LHPP: variants seen among roughly 807,000 people sequenced by gnomAD.
LHPP encodes the protein hLHPP.
In LHPP, 24 loss-of-function variants were observed where a neutral mutation model predicts 30.3. The observed-to-expected ratio is 0.79, with a 90% confidence interval of 0.57 to 1.11. The LOEUF (loss-of-function observed/expected upper bound fraction) is 1.11, where lower values mean the gene tolerates loss of function less well. Among genes scored for constraint, LHPP ranks in the 50% most tolerant of loss-of-function variants. The pLI is 0.00. For synonymous variants in LHPP, 150 were observed against 157.1 expected, an observed-to-expected ratio of 0.95 and a Z score of 0.34; for missense variants, 356 against 367.2, an observed-to-expected ratio of 0.97 and a Z score of 0.25.
chr10:124,568,988 G>A (rs61870231), intron 6 of LHPP, among the ~76,000 whole-genome samples: 35,941 of 152,082 alleles, frequency 0.24, 4,983 homozygotes, highest in East Asian at 0.31. Context: ...CCCTCCCACA[G>A]CTTTAGGCAA....
chr10:124,599,732 A>G lies in LHPP; in HGVS notation c.717-13532A>G, dbSNP rs116481732. On this transcript the variant is annotated intron_variant, in intron 6 of 6. Transcript: ENST00000368842. Reference sequence around the variant, plus strand: ...GGTGTCCTGGGGAATGTGCTGGCCCACTGCTTGGGGCCTGACTTGGAGTGC... The same window carrying G: ...GGTGTCCTGGGGAATGTGCTGGCCCGCTGCTTGGGGCCTGACTTGGAGTGC... 4.1e-3 allele frequency among the ~76,000 whole-genome samples: 623 copies of G among 152,326 alleles called. 5 individuals carry two copies. Among genetic ancestry groups the G allele is most frequent in the African/African-American group, 0.014 (571 of 41,570 alleles).
chr10:124,529,005 G>A (rs1954814993), intron 6 of LHPP, among the ~76,000 whole-genome samples: 1 of 149,932 alleles, frequency 6.7e-6, no homozygotes, highest in Admixed American at 6.7e-5. Flanking sequence ...CCCTGCCCTG[G>A]GTTTGTGAAT....
At chr10:124,573,333 T>C (rs1423526037) in intron 6 of LHPP, among the ~76,000 whole-genome samples, 1 of 152,206 alleles carries the variant, frequency 6.6e-6, no homozygotes, top group Admixed American at 6.5e-5. Flanking sequence ...ATTTTTTTCT[T>C]TTTGAGATGG....
At chr10:124,534,173 G>C (rs983926678) in intron 6 of LHPP, among the ~76,000 whole-genome samples, 3 of 152,264 alleles carry the variant, frequency 2.0e-5, no homozygotes, top group African/African-American at 7.2e-5. Flanking sequence ...CTCTCTGCAT[G>C]GGCCACCCAC....
intron 6 of LHPP, among the ~76,000 whole-genome samples, chr10:124,521,413 G>A (rs1464673082): frequency 2.0e-5 from 3 of 152,246 alleles, no homozygotes; most frequent in Non-Finnish European, 2.9e-5. Context: ...CAGCAGCTGT[G>A]TCTCCTCTGC....
intron 1 of LHPP, among the ~76,000 whole-genome samples, chr10:124,463,781 T>A (rs192786337): frequency 1.8e-3 from 271 of 151,910 alleles, no homozygotes; most frequent in African/African-American, 6.2e-3. Flanking sequence ...GTGCTAGGAT[T>A]ACAGGCATGA....
chr10:124,518,441 G>A (rs1450902952), intron 6 of LHPP, among the ~76,000 whole-genome samples: 5 of 152,190 alleles, frequency 3.3e-5, no homozygotes, highest in South Asian at 2.1e-4. Context: ...GCTCCCAGGC[G>A]AGGGGCTCTC....
At chr10:124,566,729 T>C (rs1948496871) in intron 6 of LHPP, among the ~76,000 whole-genome samples, 1 of 151,948 alleles carries the variant, frequency 6.6e-6, no homozygotes, top group African/African-American at 2.4e-5. Flanking sequence ...TGAGGCTGTG[T>C]GGTGGGAGGT....
rs554546731 is a variant in LHPP at position 124,468,450 on chromosome 10, G to A, written c.125+6463G>A. ...TTTTTGGTGAGGGGACATCACACCC[G>A]TGATATGGGAGGTTTTGTTATTGTG... is the stretch of plus-strand genomic sequence containing the variant. On this transcript the variant is annotated intron_variant, in intron 1 of 6. Transcript: ENST00000368842. Among the ~76,000 whole-genome samples, 202 of 152,296 alleles carry A rather than the reference G, an allele frequency of 1.3e-3. 1 individual carries two copies. The highest frequency in any genetic ancestry group is 4.5e-3 in the African/African-American group (188 of 41,538).
chr10:124,561,932 C>T (rs1165394513), intron 6 of LHPP, among the ~76,000 whole-genome samples: 2 of 152,182 alleles, frequency 1.3e-5, no homozygotes, highest in Non-Finnish European at 2.9e-5. Context: ...AAGACTAAAA[C>T]AGCTACTGGA....
intron 1 of LHPP, among the ~76,000 whole-genome samples, chr10:124,469,550 G>A (rs1052617873): frequency 6.6e-6 from 1 of 152,052 alleles, no homozygotes; most frequent in African/African-American, 2.4e-5. Flanking sequence ...ACCAAAAATC[G>A]GAGAGATTCA....
At chr10:124,557,097 G>A (rs745906575) in intron 6 of LHPP, among the ~76,000 whole-genome samples, 2 of 152,174 alleles carry the variant, frequency 1.3e-5, no homozygotes, top group African/African-American at 4.8e-5. Context: ...TGTTGAGGCC[G>A]CCTGGAGTCC....
At chr10:124,560,060 T>A (rs1456154050) in intron 6 of LHPP, among the ~76,000 whole-genome samples, 4 of 152,200 alleles carry the variant, frequency 2.6e-5, no homozygotes, top group African/African-American at 9.6e-5. Context: ...GGCACTGGAG[T>A]CCTGCCTTGG....
At chr10:124,556,801 A>T (rs753152154) in intron 6 of LHPP, among the ~76,000 whole-genome samples, 1 of 152,088 alleles carries the variant, frequency 6.6e-6, no homozygotes, top group Non-Finnish European at 1.5e-5. Flanking sequence ...AGTCGCTGAT[A>T]TTTGTTTCTT....
At position 124,593,778 on chromosome 10, in the gene LHPP, C is replaced by T. The variant is rs367754882; in HGVS notation, c.717-19486C>T. Among the ~76,000 whole-genome samples, 15 of 152,380 alleles carry T rather than the reference C, an allele frequency of 9.8e-5. No homozygotes were observed. The highest frequency in any genetic ancestry group is 5.8e-4 in the East Asian group (3 of 5,192). On this transcript the variant is annotated intron_variant, in intron 6 of 6. Coordinates refer to ENST00000368842, the MANE Select transcript of LHPP (RefSeq NM_022126.4). This position sits in a 1 kb window ranked among gnomAD's most constrained non-coding sequence, Gnocchi z 4.9. ...CGTTTGACGCAGGAGGTTTTGCCGG[C>T]GCCAGGGGCTCCCTCGGCTGACCGA...
rs1589709913 is a variant in LHPP, at chr10:124,601,140, C to T, written c.717-12124C>T. Among the ~76,000 whole-genome samples, 5 of 152,262 alleles carry T rather than the reference C, an allele frequency of 3.3e-5. 1 individual carries two copies. The South Asian group carries it at 1.0e-3, about 32-fold the overall frequency. ...TAGGGCAGGGCAGCAGATTCAGAGACACCCCCAGGGGTAGGGGGAAGTGCA... is the reference window on the plus strand; with the variant it reads ...TAGGGCAGGGCAGCAGATTCAGAGATACCCCCAGGGGTAGGGGGAAGTGCA... On this transcript the variant is annotated intron_variant, in intron 6 of 6. Coordinates refer to ENST00000368842, the MANE Select transcript of LHPP (RefSeq NM_022126.4).
intron 6 of LHPP, among the ~76,000 whole-genome samples, chr10:124,609,043 C>T (rs1347347684): frequency 6.6e-6 from 1 of 152,180 alleles, no homozygotes; most frequent in South Asian, 2.1e-4. Flanking sequence ...GTCCAGAGCC[C>T]TGGGGGACGG....
intron 6 of LHPP, among the ~76,000 whole-genome samples, chr10:124,575,760 C>T (rs960053522): frequency 6.6e-6 from 1 of 152,158 alleles, no homozygotes; most frequent in African/African-American, 2.4e-5. Flanking sequence ...ATCTGTGTCC[C>T]CTGCACTCTC....
At chr10:124,557,677 T>C (rs1184645655) in intron 6 of LHPP, among the ~76,000 whole-genome samples, 1 of 152,090 alleles carries the variant, frequency 6.6e-6, no homozygotes, top group East Asian at 1.9e-4. Flanking sequence ...CTCCCATGAC[T>C]TTGTGGTTAC....
Sources: gnomAD v4.1 joint callset for allele counts (sites outside exome capture counted in the v4.1 genomes callset) on GRCh38, gnomAD v4.1.1 for gene constraint, Gnocchi (gnomAD v3.1) non-coding constraint, MANE v1.5 for transcripts, NCBI Gene and HGNC (gene_info 2026-07-23, HGNC 2026-07-21) for gene names.